AGFG1: variants seen among roughly 807,000 people sequenced by gnomAD.
The protein encoded by AGFG1 is ArfGAP with FG repeats 1, also known as arf-GAP domain and FG repeat-containing protein 1.
AGFG1 carries 10 observed loss-of-function variants against 60.6 expected under a neutral mutation model. The ratio of observed to expected loss-of-function variants is 0.16; its 90% CI spans 0.10 to 0.28. AGFG1 has a LOEUF of 0.28. AGFG1 is among the 10% of genes least tolerant of loss of function. The pLI is 1.00. For missense variants in AGFG1, 537 were observed against 676.5 expected (o/e 0.79, Z 2.29); for synonymous variants, 247 against 242.9 (o/e 1.02, Z -0.16).
intron 1 of AGFG1, among the ~76,000 whole-genome samples, chr2:227,490,928 C>G (rs1343634400): frequency 6.6e-6 from 1 of 152,176 alleles, no homozygotes; most frequent in Non-Finnish European, 1.5e-5. Flanking sequence ...TTTTTTGAAT[C>G]TCTTCCGTAT....
In AGFG1 at chr2:227,560,077, T is replaced by G. The variant is rs960824714; in HGVS notation, c.*5582T>G. ...TGTTATCGTTTATTTTATATATGGC[T>G]CTCTCTCTGTATGCCTCTTCCTGTT... On this transcript the variant is annotated 3_prime_UTR_variant, in exon 13 of 13. Coordinates refer to ENST00000310078, the MANE Select transcript of AGFG1 (RefSeq NM_004504.5). 5 of 152,024 alleles carry G rather than the reference T, an allele frequency of 3.3e-5. No individual in the cohort carries two copies. Among genetic ancestry groups the G allele is most frequent in the South Asian group, 2.1e-4 (1 of 4,826 alleles). 9.4% of individuals were successfully genotyped at this position (152,024 alleles called of 1,614,324 possible).
rs1693069951 is a variant in AGFG1 at position 227,559,425 on chromosome 2, G to C, written c.*4930G>C. ...GCTGACAGTGGTATTTTCCAGTGAA[G>C]ACTATCGCCAAGAATGCATATCATT... On this transcript the variant is annotated 3_prime_UTR_variant, in exon 13 of 13. Transcript: ENST00000310078. 1 of 152,132 alleles carries C rather than the reference G, an allele frequency of 6.6e-6. No homozygotes were observed. Among genetic ancestry groups the C allele is most frequent in the East Asian group, 1.9e-4 (1 of 5,200 alleles). 9.4% of individuals were successfully genotyped at this position (152,132 alleles called of 1,614,324 possible).
chr2:227,532,003 C>T, intron 6 of AGFG1: 1 of 599,710 alleles, frequency 1.7e-6, no homozygotes, highest in Non-Finnish European at 2.7e-6. Context: ...ACTCATGGAA[C>T]CCTTATTTAG....
intron 1 of AGFG1, among the ~76,000 whole-genome samples, chr2:227,486,545 T>C (rs62189454): frequency 0.061 from 9,274 of 152,294 alleles, 393 homozygotes; most frequent in Non-Finnish European, 0.092. Flanking sequence ...TTATTTGTTG[T>C]GGACACTTTC....
chr2:227,525,013 T>C, intron 5 of AGFG1, 98 bp downstream of exon 5: 2 of 1,402,094 alleles, frequency 1.4e-6, no homozygotes, highest in Admixed American at 3.8e-5. Flanking sequence ...AAACATTTTT[T>C]GTTGAAAATG....
At chr2:227,551,833 T>C in intron 10 of AGFG1, 126 bp from the exon 11 acceptor site, 1 of 1,180,588 alleles carries the variant, frequency 8.5e-7, no homozygotes, top group East Asian at 2.4e-5. Context: ...ATTTTGGAAT[T>C]AACCCTGCCT....
rs143380061 is a variant in AGFG1 at position 227,502,985 on chromosome 2, C to T, written c.261+11345C>T. On this transcript the variant is annotated intron_variant, in intron 2 of 12. Transcript: ENST00000310078. ...TGGTGGTTCACGTCTGTAATCCTAG[C>T]ACTTTGGGAGGCAGAGGTGGGCAGA... 3.6e-3 allele frequency among the ~76,000 whole-genome samples: 546 copies of T among 152,228 alleles called. 1 individual carries two copies. The highest frequency in any genetic ancestry group is 0.012 in the African/African-American group (516 of 41,526).
intron 1 of AGFG1, among the ~76,000 whole-genome samples, chr2:227,489,557 A>C (rs535195705): frequency 6.6e-6 from 1 of 152,262 alleles, no homozygotes; most frequent in African/African-American, 2.4e-5. Flanking sequence ...AATTTCGGTT[A>C]CTTAGTTCTT....
chr2:227,506,580 G>T (rs1463864983), intron 2 of AGFG1, among the ~76,000 whole-genome samples: 1 of 60,742 alleles, frequency 1.6e-5, no homozygotes, highest in Admixed American at 1.7e-4. Flanking sequence ...AAAAAAAAAA[G>T]CACATAGGCA....
chr2:227,539,976 C>T (rs1692436375), intron 10 of AGFG1, among the ~76,000 whole-genome samples: 1 of 152,022 alleles, frequency 6.6e-6, no homozygotes. Context: ...GCTGGGATTA[C>T]AGGTGCGTGC....
intron 2 of AGFG1, among the ~76,000 whole-genome samples, chr2:227,499,875 C>T (rs1476197572): frequency 1.3e-5 from 2 of 152,172 alleles, no homozygotes; most frequent in Admixed American, 6.5e-5. Context: ...ACTTCAGTGC[C>T]TTATGGGACA....
chr2:227,489,819 CTT>C (rs35139576), intron 1 of AGFG1, among the ~76,000 whole-genome samples: 5 of 144,732 alleles, frequency 3.5e-5, no homozygotes, highest in East Asian at 2.0e-4. Context: ...AGCAAAAATA[CTT>C]TTTTTTTTTT....
intron 10 of AGFG1, among the ~76,000 whole-genome samples, chr2:227,549,767 A>T (rs191030965): frequency 6.6e-6 from 1 of 152,196 alleles, no homozygotes; most frequent in Non-Finnish European, 1.5e-5. Flanking sequence ...TAATGACTGT[A>T]AAAAAGTTGA....
At chr2:227,540,506 G>A (rs1387767650) in intron 10 of AGFG1, among the ~76,000 whole-genome samples, 4 of 152,060 alleles carry the variant, frequency 2.6e-5, no homozygotes, top group African/African-American at 9.7e-5. Flanking sequence ...TCATCCGTGT[G>A]CCTACAAAGG....
intron 8 of AGFG1, among the ~76,000 whole-genome samples, chr2:227,535,735 T>C (rs1692289835): frequency 6.6e-6 from 1 of 152,214 alleles, no homozygotes; most frequent in Admixed American, 6.5e-5. Context: ...TATTTTCCTT[T>C]AGCATCTTTT....
At chr2:227,473,367 T>A (rs1026124903) in intron 1 of AGFG1, among the ~76,000 whole-genome samples, 1 of 152,114 alleles carries the variant, frequency 6.6e-6, no homozygotes, top group East Asian at 1.9e-4. Context: ...AGGTACCCAC[T>A]AGGAGCTGTG....
intron 1 of AGFG1, among the ~76,000 whole-genome samples, chr2:227,475,536 ATAATT>A (rs1296696344): frequency 2.0e-5 from 3 of 152,244 alleles, no homozygotes; most frequent in South Asian, 2.1e-4. Context: ...GTGCAGGAAA[ATAATT>A]TAGGAAGAAT....
chr2:227,524,077 G>T, intron 4 of AGFG1, 152 bp downstream of exon 4: 3 of 840,944 alleles, frequency 3.6e-6, no homozygotes, highest in Non-Finnish European at 5.4e-6. Flanking sequence ...TGTTGGTTAA[G>T]TGGTTGAAAT....
At chr2:227,489,375 C>T (rs1690733607) in intron 1 of AGFG1, among the ~76,000 whole-genome samples, 2 of 151,290 alleles carry the variant, frequency 1.3e-5, no homozygotes, top group Admixed American at 6.6e-5. Context: ...GCAAGCGCCA[C>T]CACACCTGCC....
Sources: allele counts gnomAD v4.1 joint callset (sites outside exome capture counted in the v4.1 genomes callset), GRCh38; gene constraint gnomAD v4.1.1; transcripts MANE v1.5; gene names NCBI Gene and HGNC (gene_info 2026-07-23, HGNC 2026-07-21).